The following PRKAG1 variants were observed in gnomAD, a reference collection of about 807,000 sequenced individuals.
PRKAG1 encodes the protein protein kinase AMP-activated non-catalytic subunit gamma 1, also known as 5'-AMP-activated protein kinase subunit gamma-1.
PRKAG1 carries 27 observed loss-of-function variants against 48.2 expected under a neutral mutation model. The observed-to-expected ratio is 0.56, with a 90% confidence interval of 0.41 to 0.77. The LOEUF is 0.77. Among genes scored for constraint, PRKAG1 ranks in the 30% least tolerant of loss-of-function variants. PRKAG1 has a pLI of 0.00. For missense variants in PRKAG1, 287 were observed against 398.3 expected (o/e 0.72, Z 2.38); for synonymous variants, 130 against 147.7 (o/e 0.88, Z 0.87).
chr12:49,012,294 G>C (rs1253057063), intron 2 of PRKAG1, among the ~76,000 whole-genome samples: 4 of 152,174 alleles, frequency 2.6e-5, no homozygotes, highest in African/African-American at 4.8e-5. Flanking sequence ...CATTGGAACT[G>C]TCTTCCCTGT....
chr12:49,003,628 T>C, intron 9 of PRKAG1, 33 bp from the exon 10 acceptor site: 1 of 1,612,480 alleles, frequency 6.2e-7, no homozygotes, highest in Non-Finnish European at 8.5e-7. Context: ...GTAAGGAGGA[T>C]CTGGGATCTA....
chr12:49,004,482 A>T (rs1393950348), intron 8 of PRKAG1, 25 bp downstream of exon 8: 1 of 1,608,160 alleles, frequency 6.2e-7, no homozygotes, highest in South Asian at 1.1e-5. Context: ...AAAGAGAAAA[A>T]AGAACTGGGC....
chr12:49,010,017 C>T (rs557617848), intron 2 of PRKAG1, among the ~76,000 whole-genome samples: 7 of 152,252 alleles, frequency 4.6e-5, no homozygotes, highest in African/African-American at 1.7e-4. Flanking sequence ...TCTTTTCCTT[C>T]CAGTTGCTTT....
intron 1 of PRKAG1, among the ~76,000 whole-genome samples, chr12:49,014,862 T>C (rs2137681802): frequency 6.6e-6 from 1 of 152,296 alleles, no homozygotes; most frequent in South Asian, 2.1e-4. Context: ...CCAGAAGGGA[T>C]CACAACAATT....
intron 1 of PRKAG1, among the ~76,000 whole-genome samples, chr12:49,015,761 A>G (rs963088679): frequency 1.3e-5 from 2 of 151,974 alleles, no homozygotes; most frequent in African/African-American, 4.8e-5. Flanking sequence ...TATTTTTAGT[A>G]GAGACGGGGT....
chr12:49,004,811 GAC>G (rs1941456558), intron 7 of PRKAG1, 151 bp downstream of exon 7: 4 of 1,153,012 alleles, frequency 3.5e-6, no homozygotes, highest in Non-Finnish European at 3.7e-6. Flanking sequence ...GAGAGAGAGA[GAC>G]TGTGTGTGTG....
At chr12:49,011,002 C>T (rs1239445457) in intron 2 of PRKAG1, among the ~76,000 whole-genome samples, 1 of 152,094 alleles carries the variant, frequency 6.6e-6, no homozygotes, top group East Asian at 1.9e-4. Flanking sequence ...GTCACCATGC[C>T]TGGCTAATTT....
At chr12:49,012,728 A>G (rs1354623748) in intron 2 of PRKAG1, 1 of 251,394 alleles carries the variant, frequency 4.0e-6, no homozygotes, top group Admixed American at 5.3e-5. Flanking sequence ...GCTGGGTGAT[A>G]AAATCCTGGT....
intron 8 of PRKAG1, 138 bp from the exon 9 acceptor site, chr12:49,004,060 G>T: frequency 3.4e-6 from 4 of 1,185,974 alleles, no homozygotes; most frequent in Non-Finnish European, 3.4e-6. Flanking sequence ...GAGGCTGAGG[G>T]GGACATATTG....
At chr12:49,016,872 T>C (rs1272308946) in intron 1 of PRKAG1, 1 of 281,646 alleles carries the variant, frequency 3.6e-6, no homozygotes, top group African/African-American at 2.3e-5. Flanking sequence ...TTTAGCATGG[T>C]GTGTAATACC....
At chr12:49,009,117 CTCCTT>C (rs1275166312) in intron 2 of PRKAG1, among the ~76,000 whole-genome samples, 4 of 147,120 alleles carry the variant, frequency 2.7e-5, no homozygotes, top group African/African-American at 1.0e-4. Flanking sequence ...AATCTTTCCT[CTCCTT>C]TTTTTTTTTT....
chr12:49,016,954 A>T (rs1174893023), intron 1 of PRKAG1: 4 of 343,256 alleles, frequency 1.2e-5, no homozygotes, highest in Non-Finnish European at 2.3e-5. Flanking sequence ...CAGCAACATC[A>T]TGCCGCTGGC....
rs759275579 is a variant in PRKAG1, at chr12:49,003,158, G to C, written c.874C>G (p.Leu292Val). The change falls in exon 11 of 12, where the codon CTA (leucine) becomes GTA (valine). Residue 292 changes from leucine to valine, a missense_variant. Physicochemically the swap from Leu to Val is conservative, Grantham distance 32. Coordinates refer to ENST00000548065, the MANE Select transcript of PRKAG1 (RefSeq NM_002733.5). ...HETLETIINR[L>V]VEAEVHRLVV... ...GGCCTCCCTACCTCTGCTTCCACTA[G>C]CCTGTTGATGATGGTCTCCAGAGTC... is the stretch of plus-strand genomic sequence containing the variant. 13 of 1,614,186 alleles carry C rather than the reference G, an allele frequency of 8.1e-6. No homozygotes were observed. Among genetic ancestry groups the C allele is most frequent in the Non-Finnish European group, 1.1e-5 (13 of 1,180,028 alleles).
At position 49,003,767 on chromosome 12, in the gene PRKAG1, C is replaced by T. The variant is rs1348155894; in HGVS notation, c.693G>A (p.Val231=). 1 of 1,612,368 alleles carries T rather than the reference C, an allele frequency of 6.2e-7. No individual in the cohort carries two copies. The highest frequency in any genetic ancestry group is 2.2e-5 in the East Asian group (1 of 44,882). The change falls in exon 9 of 12, where the codon GTG becomes GTA. Residue 231 remains valine (V), a synonymous_variant. Coordinates refer to ENST00000548065, the MANE Select transcript of PRKAG1 (RefSeq NM_002733.5). ...TGCCCAATCTCTCACCCTTCTCATC[C>T]ACCACTGGCAGGGCTGAGACTCGAT... ...VQHRVSALPV[V]DEKGRVVDIY... is the part of the protein sequence containing the mutation.
At chr12:49,003,417 T>C in intron 10 of PRKAG1, 127 bp from the exon 11 acceptor site, 1 of 1,527,048 alleles carries the variant, frequency 6.5e-7, no homozygotes, top group Non-Finnish European at 9.0e-7. Context: ...ACTCATTCAA[T>C]TCCTTTTCAA....
chr12:49,003,310 A>G lies in PRKAG1; in HGVS notation c.742-20T>C, dbSNP rs1168934067. 6.2e-7 allele frequency: 1 copy of G among 1,613,852 alleles called. No individual in the cohort carries two copies. ...CAGATTCTGGGGAGACAGAGGAAGG[A>G]GCTTGCAGGGAAGCAAGAGAGCCAG... On this transcript the variant is annotated intron_variant, in intron 10 of 11. Coordinates refer to ENST00000548065, the MANE Select transcript of PRKAG1 (RefSeq NM_002733.5).
chr12:49,011,698 G>A (rs11168820), intron 2 of PRKAG1, among the ~76,000 whole-genome samples: 3,966 of 151,962 alleles, frequency 0.026, 180 homozygotes, highest in African/African-American at 0.09. Flanking sequence ...AAGCAGCTGG[G>A]ATTATAGGCG....
chr12:49,007,122 T>C (rs1941570907), intron 2 of PRKAG1, among the ~76,000 whole-genome samples: 2 of 151,486 alleles, frequency 1.3e-5, no homozygotes, highest in African/African-American at 2.4e-5. Flanking sequence ...CCGTCTCTAC[T>C]AAAAAAATAT....
chr12:49,009,011 T>C (rs183433027), intron 2 of PRKAG1, among the ~76,000 whole-genome samples: 2 of 152,212 alleles, frequency 1.3e-5, no homozygotes, highest in Admixed American at 1.3e-4. Context: ...TTTCCTTCCC[T>C]CTGTGTTGCC....
Sources: allele counts gnomAD v4.1 joint callset (sites outside exome capture counted in the v4.1 genomes callset), GRCh38; gene constraint gnomAD v4.1.1; transcripts MANE v1.5; gene names NCBI Gene and HGNC (gene_info 2026-07-23, HGNC 2026-07-21).